TRPM3: variants seen among roughly 807,000 people sequenced by gnomAD.
TRPM3 encodes long transient receptor potential channel 3.
A neutral mutation model predicts 181.2 loss-of-function variants in TRPM3; 77 were observed. The ratio of observed to expected loss-of-function variants is 0.42; its 90% CI spans 0.35 to 0.51. The LOEUF (loss-of-function observed/expected upper bound fraction) is 0.51, where lower values mean the gene tolerates loss of function less well. Ranked by LOEUF, TRPM3 falls within the 20% of genes least tolerant of loss-of-function variation. The pLI, the probability that TRPM3 is intolerant of heterozygous loss-of-function variation, is 0.01. For missense variants in TRPM3, 1,759 were observed against 2,196.7 expected (o/e 0.80, Z 3.98); for synonymous variants, 745 against 796.4 (o/e 0.94, Z 1.09).
chr9:70,647,689 C>T (rs956139233), intron 9 of TRPM3, among the ~76,000 whole-genome samples: 4 of 152,096 alleles, frequency 2.6e-5, no homozygotes, highest in African/African-American at 7.2e-5. Context: ...AAGCCCTTGA[C>T]AGAGCAATCA....
intron 6 of TRPM3, among the ~76,000 whole-genome samples, chr9:70,824,252 C>A (rs2093402922): frequency 6.6e-6 from 1 of 152,034 alleles, no homozygotes; most frequent in South Asian, 2.1e-4. Context: ...CTCCCTGGGG[C>A]CATCCTGAGT....
chr9:70,909,906 G>A (rs1031163651), intron 1 of TRPM3, among the ~76,000 whole-genome samples: 2 of 152,154 alleles, frequency 1.3e-5, no homozygotes, highest in African/African-American at 2.4e-5. Context: ...CTGACAATAT[G>A]AAGTATTGAT....
At chr9:71,347,341 C>A (rs569996014) in intron 1 of TRPM3, among the ~76,000 whole-genome samples, 46 of 152,272 alleles carry the variant, frequency 3.0e-4, no homozygotes, top group African/African-American at 1.1e-3. Context: ...GCAGTTTTCC[C>A]CCGCAAAGAG....
chr9:70,961,199 T>G (rs2097133228), intron 1 of TRPM3, among the ~76,000 whole-genome samples: 1 of 152,106 alleles, frequency 6.6e-6, no homozygotes, highest in South Asian at 2.1e-4. Flanking sequence ...GCTTTGAAGA[T>G]GGAGGAAGGG....
intron 1 of TRPM3, among the ~76,000 whole-genome samples, chr9:70,939,730 T>C (rs1393683727): frequency 6.6e-6 from 1 of 152,232 alleles, no homozygotes; most frequent in Admixed American, 6.5e-5. Flanking sequence ...ATAGGGTTGC[T>C]ACAGCTTTTT....
intron 1 of TRPM3, among the ~76,000 whole-genome samples, chr9:71,261,971 G>T (rs1270768699): frequency 6.6e-6 from 1 of 152,226 alleles, no homozygotes; most frequent in Non-Finnish European, 1.5e-5. Flanking sequence ...CCTGTCAGGA[G>T]CCACAGGGAC....
intron 5 of TRPM3, 114 bp from the exon 6 acceptor site, chr9:70,828,132 T>C: frequency 9.3e-7 from 1 of 1,076,888 alleles, no homozygotes; most frequent in Non-Finnish European, 1.3e-6. Context: ...TGTGGTACAG[T>C]GAAAGTACAG....
At chr9:70,792,382 C>T (rs760761539) in intron 6 of TRPM3, among the ~76,000 whole-genome samples, 9 of 151,260 alleles carry the variant, frequency 6.0e-5, no homozygotes, top group Admixed American at 1.3e-4. Flanking sequence ...AACAAAGGAG[C>T]AGAGGGTACC....
chr9:70,629,725 C>T (rs1293021805), intron 12 of TRPM3, among the ~76,000 whole-genome samples: 1 of 152,176 alleles, frequency 6.6e-6, no homozygotes, highest in African/African-American at 2.4e-5. Flanking sequence ...AGGAATGAGT[C>T]AGATGCTCTC....
chr9:70,817,089 C>T (rs1302288827), intron 6 of TRPM3, among the ~76,000 whole-genome samples: 2 of 152,190 alleles, frequency 1.3e-5, no homozygotes, highest in Non-Finnish European at 2.9e-5. Flanking sequence ...CTCTTAATGA[C>T]CATCTGTCTC....
intron 1 of TRPM3, among the ~76,000 whole-genome samples, chr9:71,209,448 A>T (rs1196197064): frequency 6.6e-6 from 1 of 152,090 alleles, no homozygotes; most frequent in Non-Finnish European, 1.5e-5. Flanking sequence ...TATCAAATTA[A>T]TTGGACCAAA....
At chr9:71,270,843 A>G (rs925672447) in intron 1 of TRPM3, among the ~76,000 whole-genome samples, 1 of 152,176 alleles carries the variant, frequency 6.6e-6, no homozygotes, top group African/African-American at 2.4e-5. Context: ...TGTTTTGGGG[A>G]AAACCAGTCA....
At chr9:70,556,157 T>A (rs2047640629) in intron 22 of TRPM3, among the ~76,000 whole-genome samples, 1 of 152,130 alleles carries the variant, frequency 6.6e-6, no homozygotes, top group Non-Finnish European at 1.5e-5. Context: ...ATCAACATAT[T>A]TCCAGGTCTC....
chr9:71,361,686 G>A (rs988281056), intron 1 of TRPM3, among the ~76,000 whole-genome samples: 1 of 152,148 alleles, frequency 6.6e-6, no homozygotes, highest in Non-Finnish European at 1.5e-5. Context: ...CACAGTAATG[G>A]AGCAACTTCT....
rs2058435287 is a variant in TRPM3 at position 70,643,863 on chromosome 9, A to G, written c.1346-3203T>C. On this transcript the variant is annotated intron_variant, in intron 9 of 25. Coordinates refer to ENST00000677713, the MANE Select transcript of TRPM3 (RefSeq NM_001366145.2). ...ATTAAGAACTTCTAGTGTAGATAGC[A>G]TATGTTCATTCATTCACTCATTCAT... is the stretch of plus-strand genomic sequence containing the variant. Among the ~76,000 whole-genome samples the G allele has an allele frequency of 3.3e-5, 5 of 152,116 alleles. No homozygotes were observed. The South Asian group carries it at 1.0e-3, about 32-fold the overall frequency.
chr9:70,994,314 A>G (rs765988848), intron 1 of TRPM3, among the ~76,000 whole-genome samples: 5 of 152,196 alleles, frequency 3.3e-5, no homozygotes, highest in Non-Finnish European at 7.3e-5. Context: ...TACCTTGGCC[A>G]GTGTTAGTAA....
At chr9:71,370,717 T>C (rs1230271849) in intron 1 of TRPM3, among the ~76,000 whole-genome samples, 1 of 152,194 alleles carries the variant, frequency 6.6e-6, no homozygotes, top group Non-Finnish European at 1.5e-5. Context: ...GAGATCTAGA[T>C]ACAATAATTG....
At chr9:71,332,575 C>A (rs78368809) in intron 1 of TRPM3, among the ~76,000 whole-genome samples, 1,898 of 150,546 alleles carry the variant, frequency 0.013, 49 homozygotes, top group African/African-American at 0.037. Context: ...CAAAAAAAAA[C>A]AAAAATGTGA....
chr9:71,201,505 G>A (rs2131731342), intron 1 of TRPM3, among the ~76,000 whole-genome samples: 1 of 152,230 alleles, frequency 6.6e-6, no homozygotes, highest in East Asian at 1.9e-4. Flanking sequence ...TCACTTTCAG[G>A]TACACCAATC....
Sources: gnomAD v4.1 joint callset for allele counts (sites outside exome capture counted in the v4.1 genomes callset) on GRCh38, gnomAD v4.1.1 for gene constraint, MANE v1.5 for transcripts, NCBI Gene and HGNC (gene_info 2026-07-23, HGNC 2026-07-21) for gene names.